KRT12: variants seen among roughly 807,000 people sequenced by gnomAD.
The protein encoded by KRT12 is keratin 12, also known as keratin, type I cytoskeletal 12.
A neutral mutation model predicts 50.2 loss-of-function variants in KRT12; 43 were observed. That is an observed-to-expected ratio of 0.86 (90% CI 0.67 to 1.11). The LOEUF (loss-of-function observed/expected upper bound fraction) is 1.11. Ranked by LOEUF, KRT12 falls within the 50% of genes least tolerant of loss-of-function variation. KRT12 has a pLI of 0.00. For missense variants in KRT12, 588 were observed against 625.6 expected (o/e 0.94, Z 0.64); for synonymous variants, 257 against 253.6 (o/e 1.01, Z -0.13).
At chr17:40,866,280 G>T in intron 1 of KRT12, 43 bp from the exon 2 acceptor site, 1 of 1,428,102 alleles carries the variant, frequency 7.0e-7, no homozygotes, top group Non-Finnish European at 9.9e-7. Flanking sequence ...AGCCCTAAAA[G>T]ACTAGTATTA....
In KRT12 at chr17:40,863,674, T is replaced by C; in HGVS notation, c.969+29A>G. The stretch of plus-strand genomic sequence containing the variant: ...GCTCGTTCGCAGGCCTTTCTGTGAA[T>C]GTATCAAAGCCTTTGTTGTTTGTGT... On this transcript the variant is annotated intron_variant, in intron 4 of 7. Coordinates refer to ENST00000251643, the MANE Select transcript of KRT12 (RefSeq NM_000223.4). The surrounding 1 kb of genome is among the most constrained non-coding windows in gnomAD (Gnocchi z 4.2). The C allele has an allele frequency of 6.2e-7, 1 of 1,614,230 alleles. No homozygotes were observed. The highest frequency in any genetic ancestry group is 1.3e-5 in the African/African-American group (1 of 75,068).
rs772748629 is a variant in KRT12 at position 40,863,748 on chromosome 17, G to C, written c.924C>G (p.Ile308Met). 5 of 1,613,438 alleles carry C rather than the reference G, an allele frequency of 3.1e-6. No homozygotes were observed. Among genetic ancestry groups the C allele is most frequent in the Non-Finnish European group, 4.2e-6 (5 of 1,180,052 alleles). ...CAGCGTCCTTCCGATTCTGCTCAGC[G>C]ATGGTTTCATACTGCGCCCGCATAT... ...LNDMRAQYET[I>M]AEQNRKDAEA... The change falls in exon 4 of 8, where the codon ATC becomes ATG. Residue 308 changes from isoleucine to methionine, a missense_variant. Coordinates refer to ENST00000251643, the MANE Select transcript of KRT12 (RefSeq NM_000223.4). This position sits in a 1 kb window ranked among gnomAD's most constrained non-coding sequence, Gnocchi z 4.2.
intron 7 of KRT12, among the ~76,000 whole-genome samples, chr17:40,861,965 C>CT (rs915975211): frequency 2.0e-5 from 3 of 152,096 alleles, no homozygotes; most frequent in Non-Finnish European, 4.4e-5. Flanking sequence ...TATATGAAAA[C>CT]TTTTTTTAAG....
intron 6 of KRT12, 163 bp downstream of exon 6, chr17:40,862,960 C>T: frequency 4.3e-6 from 3 of 697,282 alleles, no homozygotes; most frequent in South Asian, 3.4e-5. Context: ...TGGGTGAAAA[C>T]ACTTTGCAAA....
Position 40,866,832 on chromosome 17 carries a change from C to T in KRT12, c.355G>A (p.Gly119Ser). 2 of 1,614,138 alleles carry T rather than the reference C, an allele frequency of 1.2e-6. No homozygotes were observed. The highest frequency in any genetic ancestry group is 2.2e-5 in the South Asian group (2 of 91,070). ...SLGILSGNDGGLLSGSEKETM... is the reference protein window; with the variant it reads ...SLGILSGNDGSLLSGSEKETM... ...TCTTTTTCTGATCCAGAAAGAAGGC[C>T]TCCATCATTGCCCGAGAGAATACCT... Residue 119 changes from glycine (G) to serine (S), a missense_variant, in exon 1 of 8, where the codon GGC becomes AGC. Physicochemically the swap from Gly to Ser is moderately conservative, Grantham distance 56 (BLOSUM62 0). Transcript: ENST00000251643.
chr17:40,866,047 A>C (rs1349605800), intron 2 of KRT12, 108 bp downstream of exon 2: 1 of 824,158 alleles, frequency 1.2e-6, no homozygotes, highest in African/African-American at 1.7e-5. Context: ...CAAAACAGTA[A>C]ATATATGGAG....
chr17:40,862,424 A>G, intron 7 of KRT12, 141 bp downstream of exon 7: 1 of 689,024 alleles, frequency 1.5e-6, no homozygotes. Context: ...AGGAATGCAT[A>G]AATGTTTTTC....
rs749241752 is a variant in KRT12 at position 40,864,906 on chromosome 17, C to A, written c.707G>T (p.Arg236Leu). 3.1e-6 allele frequency: 5 copies of A among 1,614,102 alleles called. No homozygotes were observed. Among genetic ancestry groups the A allele is most frequent in the Non-Finnish European group, 3.4e-6 (4 of 1,180,048 alleles). Residue 236 changes from arginine (R) to leucine (L), a missense_variant, in exon 3 of 8, where the codon CGC (arginine) becomes CTC (leucine). By Grantham distance (102) the Arg-to-Leu change is moderately radical. Coordinates refer to ENST00000251643, the MANE Select transcript of KRT12 (RefSeq NM_000223.4). The part of the protein sequence containing the change: ...QGVEADINGL[R>L]RVLDELTLTR... ...CAGGGTCAGCTCGTCCAGCACCCGG[C>A]GCAGGCCATTGATGTCGGCCTCTAC...
chr17:40,861,331 TC>T lies in KRT12; in HGVS notation c.*329del, dbSNP rs567697575. 35 of 305,866 alleles carry T rather than the reference TC, an allele frequency of 1.1e-4. No homozygotes were observed. The highest frequency in any genetic ancestry group is 7.3e-4 in the African/African-American group (34 of 46,364). 18.9% of individuals were successfully genotyped at this position (305,866 alleles called of 1,614,324 possible). ...CCATTCATCTTTTATTACAATTAAC[TC>T]TATTAAAACAATACTACTTGATTAA... On this transcript the variant is annotated 3_prime_UTR_variant, in exon 8 of 8. Transcript: ENST00000251643.
chr17:40,862,504 G>T, intron 7 of KRT12, 61 bp downstream of exon 7: 1 of 1,093,350 alleles, frequency 9.1e-7, no homozygotes, highest in South Asian at 1.2e-5. Context: ...AGGTCTTACA[G>T]GTTTTGCATT....
At chr17:40,866,554 T>C (rs1907030243) in intron 1 of KRT12, 66 bp downstream of exon 1, 2 of 1,341,952 alleles carry the variant, frequency 1.5e-6, no homozygotes, top group Non-Finnish European at 2.1e-6. Context: ...TGATTATCAC[T>C]GTAAAACATT....
rs766367966 is a variant in KRT12 at position 40,866,720 on chromosome 17, T to G, written c.467A>C (p.Lys156Thr). The change falls in exon 1 of 8, where the codon AAA becomes ACA. Residue 156 changes from lysine (K) to threonine (T), a missense_variant. Physicochemically the swap from Lys to Thr is moderately conservative, Grantham distance 78. Coordinates refer to ENST00000251643, the MANE Select transcript of KRT12 (RefSeq NM_000223.4). ...TCGTGTTTCATACCATTCTCGAATTTTATTTTCTAGCTCAGTATTAGCCTC... is the reference window on the plus strand; with the variant it reads ...TCGTGTTTCATACCATTCTCGAATTGTATTTTCTAGCTCAGTATTAGCCTC... ...LEEANTELENKIREWYETRGT... is the reference protein window; with the variant it reads ...LEEANTELENTIREWYETRGT... 6.2e-7 allele frequency: 1 copy of G among 1,614,254 alleles called. No individual in the cohort carries two copies. The highest frequency in any genetic ancestry group is 2.2e-5 in the East Asian group (1 of 44,890).
In KRT12 at chr17:40,867,109, C is replaced by T. The variant is rs773596469; in HGVS notation, c.78G>A (p.Val26=). 4 of 1,613,896 alleles carry T rather than the reference C, an allele frequency of 2.5e-6. No individual in the cohort carries two copies. Among genetic ancestry groups the T allele is most frequent in the Non-Finnish European group, 3.4e-6 (4 of 1,180,030 alleles). ...GLSRRLSSQS[V]IGRPRGMSAS... ...CAGACATGCCCCTGGGTCTGCCTAT[C>T]ACACTCTGCGAGGAGAGCCGCCGGG... The change falls in exon 1 of 8, where the codon GTG becomes GTA. Residue 26 remains valine (V), a synonymous_variant. Coordinates refer to ENST00000251643, the MANE Select transcript of KRT12 (RefSeq NM_000223.4).
In KRT12 at chr17:40,861,506, C is replaced by T; in HGVS notation, c.*155G>A. 1.5e-6 allele frequency: 1 copy of T among 651,828 alleles called. No homozygotes were observed. Among genetic ancestry groups the T allele is most frequent in the Admixed American group, 2.3e-5 (1 of 42,772 alleles). The allele number at this position is 651,828 out of a possible 1,614,324, so 40.4% of individuals were successfully genotyped here. A position where few individuals can be genotyped will look rare whatever the true frequency, so the allele number is the denominator to read the frequency against. On this transcript the variant is annotated 3_prime_UTR_variant, in exon 8 of 8. Coordinates refer to ENST00000251643, the MANE Select transcript of KRT12 (RefSeq NM_000223.4). Reference sequence around the variant, plus strand: ...GTGACTGAATATTGTTTCAGAAGGGCAAAAAGGATTCAATGTGAATAGGGA... The same window carrying T: ...GTGACTGAATATTGTTTCAGAAGGGTAAAAAGGATTCAATGTGAATAGGGA...
chr17:40,863,220 G>C lies in KRT12; in HGVS notation c.1219C>G (p.Arg407Gly), dbSNP rs753351999. The change falls in exon 6 of 8, where the codon CGC becomes GGC. Residue 407 changes from arginine (R) to glycine (G), a missense_variant. Transcript: ENST00000251643. The surrounding 1 kb of genome is among the most constrained non-coding windows in gnomAD (Gnocchi z 4.2). ...QLLQVRADAE[R>G]QNVDHQRLLN... ...AGCCGCTGGTGGTCCACGTTCTGGC[G>C]CTCTGCGTCCGCGCGCACCTGGAGC... 21 of 1,613,892 alleles carry C rather than the reference G, an allele frequency of 1.3e-5. No homozygotes were observed. The highest frequency in any genetic ancestry group is 2.2e-5 in the South Asian group (2 of 91,072).
Position 40,866,160 on chromosome 17 carries a change from C to T in KRT12, c.645G>A (p.Arg215=), listed in dbSNP as rs990769248. ...DNARLAAEDF[R]MKYENELALR... ...CTTCAGTTTATTCGACTCACTTCATCCTGAAGTCCTCAGCAGCTAGTCTCG... is the reference window on the plus strand; with the variant it reads ...CTTCAGTTTATTCGACTCACTTCATTCTGAAGTCCTCAGCAGCTAGTCTCG... Residue 215 remains arginine (R), a synonymous_variant, in exon 2 of 8, where the codon AGG becomes AGA. Coordinates refer to ENST00000251643, the MANE Select transcript of KRT12 (RefSeq NM_000223.4). 4 of 1,612,606 alleles carry T rather than the reference C, an allele frequency of 2.5e-6. No individual in the cohort carries two copies. The highest frequency in any genetic ancestry group is 3.3e-4 in the Middle Eastern group (2 of 6,078).
In KRT12 at chr17:40,864,793, C is replaced by G; in HGVS notation, c.807+13G>C. On this transcript the variant is annotated intron_variant, in intron 3 of 7. Transcript: ENST00000251643. Reference sequence around the variant, plus strand: ...AAAAAAGTAGCTGAGTGAGGCTGCCCTGTCTGACTCACATCCTCGTGGTTC... The same window carrying G: ...AAAAAAGTAGCTGAGTGAGGCTGCCGTGTCTGACTCACATCCTCGTGGTTC... The G allele has an allele frequency of 1.2e-6, 2 of 1,613,906 alleles. No homozygotes were observed. The highest frequency in any genetic ancestry group is 1.7e-6 in the Non-Finnish European group (2 of 1,179,922).
Position 40,861,553 on chromosome 17 carries a change from CA to C in KRT12, c.*107del. ...GGGAATCCAAAGAAAATGGAACAGACAAAAATAGGGATTGAAGTAATACAGC... is the reference window on the plus strand; with the variant it reads ...GGGAATCCAAAGAAAATGGAACAGACAAAATAGGGATTGAAGTAATACAGC... On this transcript the variant is annotated 3_prime_UTR_variant, in exon 8 of 8. Coordinates refer to ENST00000251643, the MANE Select transcript of KRT12 (RefSeq NM_000223.4). 8 of 767,148 alleles carry C rather than the reference CA, an allele frequency of 1.0e-5. No individual in the cohort carries two copies. The highest frequency in any genetic ancestry group is 1.9e-5 in the Non-Finnish European group (8 of 429,000). 47.5% of individuals were successfully genotyped at this position (767,148 alleles called of 1,614,324 possible). A position where few individuals can be genotyped will look rare whatever the true frequency, so the allele number is the denominator to read the frequency against.
chr17:40,865,732 G>T (rs990800464), intron 2 of KRT12, among the ~76,000 whole-genome samples: 2 of 152,126 alleles, frequency 1.3e-5, no homozygotes, highest in East Asian at 3.9e-4. Flanking sequence ...GGAGGCTGAG[G>T]CAGGAGAATC....
Sources: allele counts gnomAD v4.1 joint callset (sites outside exome capture counted in the v4.1 genomes callset), GRCh38; gene constraint gnomAD v4.1.1; non-coding constraint Gnocchi (gnomAD v3.1); transcripts MANE v1.5; gene names NCBI Gene and HGNC (gene_info 2026-07-23, HGNC 2026-07-21).